Variants in ANKMY1 observed in about 807,000 individuals in gnomAD.
ANKMY1 encodes ankyrin repeat and MYND domain containing 1, also known as ankyrin repeat and MYND domain-containing protein 1.
In ANKMY1, 98 loss-of-function variants were observed where a neutral mutation model predicts 102.0. The ratio of observed to expected loss-of-function variants is 0.96; its 90% CI spans 0.82 to 1.14. The LOEUF (loss-of-function observed/expected upper bound fraction) is 1.14, where lower values mean the gene tolerates loss of function less well. Among genes scored for constraint, ANKMY1 ranks in the 50% most tolerant of loss-of-function variants. ANKMY1 has a pLI of 0.00. For missense variants in ANKMY1, 1,330 were observed against 1,347.6 expected (o/e 0.99, Z 0.20); for synonymous variants, 582 against 559.9 (o/e 1.04, Z -0.56).
At chr2:240,523,227 G>A (rs1464926596) in intron 8 of ANKMY1, 1 of 152,484 alleles carries the variant, frequency 6.6e-6, no homozygotes, top group African/African-American at 2.4e-5. Flanking sequence ...TCTTCAGTGA[G>A]ACAGGCATCC....
At chr2:240,557,647 C>G (rs892712974) in intron 1 of ANKMY1, among the ~76,000 whole-genome samples, 2 of 152,230 alleles carry the variant, frequency 1.3e-5, no homozygotes, top group Non-Finnish European at 2.9e-5. Context: ...CAGGCCCGCA[C>G]CCACTATCGC....
downstream of ANKMY1, among the ~76,000 whole-genome samples, chr2:240,474,825 A>T (rs1222190561): frequency 2.0e-5 from 3 of 152,238 alleles, no homozygotes. Flanking sequence ...TCTACCACTG[A>T]TGGACATTTA....
In ANKMY1 at chr2:240,481,181, G is replaced by A. The variant is rs1041900633; in HGVS notation, c.2886-84C>T. ...AGCCGCTGCCTGGGAGCTGTGCCTGGCCCTGAGCTCCTGGGCTATTCCCCA... is the reference window on the plus strand; with the variant it reads ...AGCCGCTGCCTGGGAGCTGTGCCTGACCCTGAGCTCCTGGGCTATTCCCCA... On this transcript the variant is annotated intron_variant, in intron 16 of 17. Coordinates refer to ENST00000401804, the MANE Select transcript of ANKMY1 (RefSeq NM_001282771.3). 27 of 1,519,512 alleles carry A rather than the reference G, an allele frequency of 1.8e-5. No homozygotes were observed. The Admixed American group carries it at 1.8e-4, about 10-fold the overall frequency. The allele number at this position is 1,519,512 out of a possible 1,614,324, so 94.1% of individuals were successfully genotyped here.
rs1011962206 is a variant in ANKMY1, at chr2:240,557,882, A to G, written c.-19T>C. On this transcript the variant is annotated splice_region_variant and 5_prime_UTR_variant, in exon 1 of 18. Transcript: ENST00000401804. ...AGCGCTCCTGTCGCGAGACCGCACC[A>G]AGCAAGACTCGAAGAGCTCGCGCCG... 20 of 985,428 alleles carry G rather than the reference A, an allele frequency of 2.0e-5. 1 individual carries two copies. The African/African-American group carries it at 3.3e-4, about 16-fold the overall frequency. 61.0% of individuals were successfully genotyped at this position (985,428 alleles called of 1,614,324 possible).
At chr2:240,497,561 T>A (rs986105487) in intron 15 of ANKMY1, among the ~76,000 whole-genome samples, 5 of 152,256 alleles carry the variant, frequency 3.3e-5, no homozygotes, top group Admixed American at 6.5e-5. Context: ...TTTAGATCAG[T>A]CCTTGGGGTG....
chr2:240,540,877 C>G (rs2088564928), intron 4 of ANKMY1, among the ~76,000 whole-genome samples: 1 of 152,198 alleles, frequency 6.6e-6, no homozygotes, highest in African/African-American at 2.4e-5. Context: ...GCTGCCAGCC[C>G]AATTTTGGCT....
intron 4 of ANKMY1, among the ~76,000 whole-genome samples, chr2:240,551,923 C>T (rs915894667): frequency 6.6e-6 from 1 of 152,230 alleles, no homozygotes; most frequent in African/African-American, 2.4e-5. Flanking sequence ...GACCTTCAGG[C>T]CTCTCAAAAA....
In ANKMY1 at chr2:240,512,029, G is replaced by A. The variant is rs182392413; in HGVS notation, c.2146-28C>T. ...GTGTAAAACGGAGGGCTCCGCCAGC[G>A]CCCACGGACCTGCCGTGTGCCCACG... On this transcript the variant is annotated intron_variant, in intron 10 of 17. Coordinates refer to ENST00000401804, the MANE Select transcript of ANKMY1 (RefSeq NM_001282771.3). 1.9e-4 allele frequency: 282 copies of A among 1,514,146 alleles called. No individual in the cohort carries two copies. The African/African-American group carries it at 2.5e-3, about 13-fold the overall frequency. The allele number at this position is 1,514,146 out of a possible 1,614,324, so 93.8% of individuals were successfully genotyped here.
chr2:240,526,313 T>C lies in ANKMY1; in HGVS notation c.1086A>G (p.Glu362=). 1 of 1,614,214 alleles carries C rather than the reference T, an allele frequency of 6.2e-7. No individual in the cohort carries two copies. The highest frequency in any genetic ancestry group is 1.3e-5 in the African/African-American group (1 of 75,048). ...MILKAEEGNH[E]WICRILKDNF... is the part of the protein sequence containing the mutation. Reference sequence around the variant, plus strand: ...TGTCCTTCAGGATCCTACAAATCCATTCGTGGTTCCCTTCCTCAGCCTTTA... The same window carrying C: ...TGTCCTTCAGGATCCTACAAATCCACTCGTGGTTCCCTTCCTCAGCCTTTA... The change falls in exon 6 of 18, where the codon GAA becomes GAG. Residue 362 remains glutamate (E), a synonymous_variant. Coordinates refer to ENST00000401804, the MANE Select transcript of ANKMY1 (RefSeq NM_001282771.3).
chr2:240,496,533 G>A (rs2077291728), intron 15 of ANKMY1, among the ~76,000 whole-genome samples: 1 of 151,894 alleles, frequency 6.6e-6, no homozygotes, highest in Non-Finnish European at 1.5e-5. Context: ...TTCTCCCTTG[G>A]GGCTGGATAT....
intron 13 of ANKMY1, 80 bp downstream of exon 13, chr2:240,507,480 G>GCCCTAACAC: frequency 7.4e-7 from 1 of 1,354,290 alleles, no homozygotes; most frequent in African/African-American, 1.6e-5. Context: ...GGGCCACCCA[G>GCCCTAACAC]CCCTCACACC....
chr2:240,507,408 C>T lies in ANKMY1; in HGVS notation c.2526+152G>A, dbSNP rs1374554032. On this transcript the variant is annotated intron_variant, in intron 13 of 17. Transcript: ENST00000401804. Reference sequence around the variant, plus strand: ...TACCCAGCCCTCACACCCCTGCCACCCAGGGCCACCCAGCCCTTATACCCC... The same window carrying T: ...TACCCAGCCCTCACACCCCTGCCACTCAGGGCCACCCAGCCCTTATACCCC... The T allele has an allele frequency of 4.0e-6, 3 of 759,316 alleles. No homozygotes were observed. The South Asian group carries it at 8.9e-5, about 23-fold the overall frequency. 47.0% of individuals were successfully genotyped at this position (759,316 alleles called of 1,614,324 possible).
intron 11 of ANKMY1, 92 bp downstream of exon 11, chr2:240,511,769 T>A: frequency 2.1e-6 from 3 of 1,441,732 alleles, no homozygotes; most frequent in Non-Finnish European, 2.7e-6. Flanking sequence ...AGACTCAGCA[T>A]GAGAACACAT....
In ANKMY1 at chr2:240,512,019, C is replaced by T. The variant is rs375078934; in HGVS notation, c.2146-18G>A. 1.8e-5 allele frequency: 27 copies of T among 1,522,608 alleles called. No homozygotes were observed. Among genetic ancestry groups the T allele is most frequent in the South Asian group, 9.9e-5 (8 of 80,478 alleles). 94.3% of individuals were successfully genotyped at this position (1,522,608 alleles called of 1,614,324 possible). A position where few individuals can be genotyped will look rare whatever the true frequency, so the allele number is the denominator to read the frequency against. On this transcript the variant is annotated intron_variant, in intron 10 of 17. Transcript: ENST00000401804. ...AGGTCCAGCTGTGTAAAACGGAGGG[C>T]TCCGCCAGCGCCCACGGACCTGCCG...
At chr2:240,485,171 A>G (rs1322630355) in intron 15 of ANKMY1, among the ~76,000 whole-genome samples, 7 of 152,114 alleles carry the variant, frequency 4.6e-5, no homozygotes, top group Non-Finnish European at 8.8e-5. Flanking sequence ...TACTAAAAAC[A>G]CAAAAAATTA....
At chr2:240,501,600 C>T (rs917651043) in intron 13 of ANKMY1, among the ~76,000 whole-genome samples, 7 of 152,188 alleles carry the variant, frequency 4.6e-5, no homozygotes, top group African/African-American at 1.7e-4. Context: ...ACACAACTCC[C>T]CCAGTGAGAT....
intron 15 of ANKMY1, among the ~76,000 whole-genome samples, chr2:240,489,935 T>G (rs1352502237): frequency 6.6e-6 from 1 of 152,240 alleles, no homozygotes; most frequent in Admixed American, 6.5e-5. Context: ...GATTCAATCT[T>G]GCTACTCATT....
chr2:240,500,837 C>G (rs762341853), intron 13 of ANKMY1, among the ~76,000 whole-genome samples: 1 of 152,244 alleles, frequency 6.6e-6, no homozygotes, highest in Non-Finnish European at 1.5e-5. Flanking sequence ...GCACCCGACT[C>G]CCAGCACCAT....
At chr2:240,491,724 T>C (rs1050560132) in intron 15 of ANKMY1, among the ~76,000 whole-genome samples, 79 of 152,182 alleles carry the variant, frequency 5.2e-4, no homozygotes, top group African/African-American at 1.9e-3. Context: ...TTTCAGCATG[T>C]TGAATATACC....
Sources: gnomAD v4.1 joint callset for allele counts (sites outside exome capture counted in the v4.1 genomes callset) on GRCh38, gnomAD v4.1.1 for gene constraint, MANE v1.5 for transcripts, NCBI Gene and HGNC (gene_info 2026-07-23, HGNC 2026-07-21) for gene names.